Variants in GOLGA6L7 observed in about 807,000 individuals in gnomAD.
GOLGA6L7 encodes the protein golgin A6 family like 7, also known as golgin subfamily A member 6-like protein 7.
Under a neutral mutation model 68.9 loss-of-function variants are expected in GOLGA6L7, and 29 were observed. The ratio of observed to expected loss-of-function variants is 0.42; its 90% confidence interval spans 0.31 to 0.57. The LOEUF (loss-of-function observed/expected upper bound fraction) is 0.57, where lower values mean the gene tolerates loss of function less well. GOLGA6L7 is among the 20% of genes least tolerant of loss of function. GOLGA6L7 has a pLI of 0.13. For missense variants in GOLGA6L7, 396 were observed against 588.4 expected (o/e 0.67, Z 3.38); for synonymous variants, 133 against 197.4 (o/e 0.67, Z 2.73).
intron 7 of GOLGA6L7, 111 bp downstream of exon 7, chr15:28,844,094 A>G: frequency 3.5e-6 from 2 of 563,922 alleles, no homozygotes; most frequent in Non-Finnish European, 6.2e-6. Context: ...CCCTGCACAC[A>G]CATGTAAACC....
Position 28,841,901 on chromosome 15 carries a change from C to CA in GOLGA6L7, c.*333dup, listed in dbSNP as rs1008868941. 2.0e-4 allele frequency: 32 copies of CA among 159,810 alleles called. No individual in the cohort carries two copies. Among genetic ancestry groups the CA allele is most frequent in the Middle Eastern group, 2.7e-3 (1 of 376 alleles). The allele number at this position is 159,810 out of a possible 1,614,324, so 9.9% of individuals were successfully genotyped here. On this transcript the variant is annotated 3_prime_UTR_variant, in exon 9 of 9. Transcript: ENST00000567390. ...ACGCAAGACAAAAGGAGAAAACAAA[C>CA]AAAAAAAACAATAGAAACATACATA...
intron 2 of GOLGA6L7, chr15:28,846,780 T>G (rs367977628): frequency 2.9e-3 from 1,081 of 378,652 alleles, no homozygotes; most frequent in Non-Finnish European, 3.6e-3. Flanking sequence ...CAGCAGGCCC[T>G]GGACTAGGGA....
chr15:28,847,516 T>A (rs1462044266), intron 1 of GOLGA6L7, among the ~76,000 whole-genome samples: 1 of 152,134 alleles, frequency 6.6e-6, no homozygotes, highest in Non-Finnish European at 1.5e-5. Flanking sequence ...CAGTCGTACA[T>A]CCTCTTAGAG....
chr15:28,842,148 T>A lies in GOLGA6L7; in HGVS notation c.*87A>T. The A allele has an allele frequency of 8.9e-7, 1 of 1,117,726 alleles. No homozygotes were observed. Among genetic ancestry groups the A allele is most frequent in the Non-Finnish European group, 1.1e-6 (1 of 885,746 alleles). The allele number at this position is 1,117,726 out of a possible 1,614,324, so 69.2% of individuals were successfully genotyped here. A position where few individuals can be genotyped will look rare whatever the true frequency, so the allele number is the denominator to read the frequency against. On this transcript the variant is annotated 3_prime_UTR_variant, in exon 9 of 9. Coordinates refer to ENST00000567390, the MANE Select transcript of GOLGA6L7 (RefSeq NM_001365371.2). ...GTATTTTGCCACAATTTAAAATAAA[T>A]TTTCTTTTTTTCAAGTTTGTTCTCA...
chr15:28,847,945 G>A (rs1189422292), intron 1 of GOLGA6L7, among the ~76,000 whole-genome samples: 1 of 152,208 alleles, frequency 6.6e-6, no homozygotes, highest in East Asian at 1.9e-4. Flanking sequence ...GTAGAAGCCT[G>A]GGAGAAAACC....
At position 28,843,239 on chromosome 15, in the gene GOLGA6L7, C is replaced by T. The variant is rs2030281737; in HGVS notation, c.865G>A (p.Glu289Lys). ...QEQEEQMRKQ[E>K]EQMRKQEEQM... ...TCCTCCTGCTTCCGCATCTGCTCCT[C>T]CTGCTTCCGCATCTGCTCCTCCTGC... is the stretch of plus-strand genomic sequence containing the variant. Residue 289 changes from glutamate (E) to lysine (K), a missense_variant, in exon 9 of 9, where the codon GAG (glutamate) becomes AAG (lysine). Physicochemically the swap from Glu to Lys is moderately conservative, Grantham distance 56. This residue lies in a region of GOLGA6L7 where 114 missense variants were observed against 186.0 expected (regional missense o/e 0.61). Transcript: ENST00000567390. 7.8e-7 allele frequency: 1 copy of T among 1,286,350 alleles called. No homozygotes were observed. The highest frequency in any genetic ancestry group is 9.9e-7 in the Non-Finnish European group (1 of 1,006,504). The allele number at this position is 1,286,350 out of a possible 1,614,324, so 79.7% of individuals were successfully genotyped here.
Position 28,842,273 on chromosome 15 carries a change from C to G in GOLGA6L7, c.1831G>C (p.Gly611Arg), listed in dbSNP as rs1166644750. 7.3e-6 allele frequency: 9 copies of G among 1,228,746 alleles called. No individual in the cohort carries two copies. Among genetic ancestry groups the G allele is most frequent in the Non-Finnish European group, 8.1e-6 (8 of 984,206 alleles). 76.1% of individuals were successfully genotyped at this position (1,228,746 alleles called of 1,614,324 possible). The change falls in exon 9 of 9, where the codon GGA becomes CGA. Residue 611 changes from glycine to arginine, a missense_variant. Around this residue, in one of 5 missense-constraint regions of GOLGA6L7, gnomAD observed 125 missense variants for 163.3 expected, o/e 0.77. Transcript: ENST00000567390. ...GSTSCIPFFY[G>R]GDKKKIKIIS... Reference sequence around the variant, plus strand: ...ATCTTGATCTTTTTCTTGTCTCCTCCGTAGAAGAATGGGATGCAGGAGGTG... The same window carrying G: ...ATCTTGATCTTTTTCTTGTCTCCTCGGTAGAAGAATGGGATGCAGGAGGTG...
intron 2 of GOLGA6L7, among the ~76,000 whole-genome samples, chr15:28,846,535 C>T (rs1405669598): frequency 1.6e-4 from 25 of 152,208 alleles, no homozygotes; most frequent in African/African-American, 6.0e-4. Flanking sequence ...CACCCTTCTG[C>T]CAGCTTGTGA....
In GOLGA6L7 at chr15:28,841,970, A is replaced by G. The variant is rs2030200973; in HGVS notation, c.*265T>C. 6 of 260,856 alleles carry G rather than the reference A, an allele frequency of 2.3e-5. No homozygotes were observed. The East Asian group carries it at 4.1e-4, about 18-fold the overall frequency. 16.2% of individuals were successfully genotyped at this position (260,856 alleles called of 1,614,324 possible). Reference sequence around the variant, plus strand: ...TAGAATTTTTTTTTTTTTTTTTGAAATGGGAGTTTCACTCTGTCACCCAGC... The same window carrying G: ...TAGAATTTTTTTTTTTTTTTTTGAAGTGGGAGTTTCACTCTGTCACCCAGC... On this transcript the variant is annotated 3_prime_UTR_variant, in exon 9 of 9. Transcript: ENST00000567390.
intron 6 of GOLGA6L7, among the ~76,000 whole-genome samples, 172 bp from the exon 7 acceptor site, chr15:28,844,435 T>C (rs1221626672): frequency 1.2e-4 from 18 of 148,652 alleles, no homozygotes; most frequent in Non-Finnish European, 2.1e-4. Context: ...CTTTTCTTTT[T>C]TTTTTTTTTT....
Position 28,842,853 on chromosome 15 carries a change from C to T in GOLGA6L7, c.1251G>A (p.Lys417=). 1 of 1,251,460 alleles carries T rather than the reference C, an allele frequency of 8.0e-7. No homozygotes were observed. The highest frequency in any genetic ancestry group is 9.9e-7 in the Non-Finnish European group (1 of 1,007,004). 77.5% of individuals were successfully genotyped at this position (1,251,460 alleles called of 1,614,324 possible). A position where few individuals can be genotyped will look rare whatever the true frequency, so the allele number is the denominator to read the frequency against. The change falls in exon 9 of 9, where the codon AAG becomes AAA. Residue 417 remains lysine (K), a synonymous_variant. Coordinates refer to ENST00000567390, the MANE Select transcript of GOLGA6L7 (RefSeq NM_001365371.2). ...QEEQMGEQMR[K]QEEQMGEQEE... Reference sequence around the variant, plus strand: ...CCTGCTCCCCCATCTGCTCCTCCTGCTTCCTCATCTGCTCCCCCATCTGCT... The same window carrying T: ...CCTGCTCCCCCATCTGCTCCTCCTGTTTCCTCATCTGCTCCCCCATCTGCT...
rs777493070 is a variant in GOLGA6L7 at position 28,845,782 on chromosome 15, C to T, written c.291G>A (p.Met97Ile). Residue 97 changes from methionine (M) to isoleucine (I), a missense_variant, in exon 5 of 9, where the codon ATG becomes ATA. By Grantham distance (10) the Met-to-Ile change is conservative. Around this residue, in one of 5 missense-constraint regions of GOLGA6L7, gnomAD observed 125 missense variants for 119.4 expected, o/e 1.05. Coordinates refer to ENST00000567390, the MANE Select transcript of GOLGA6L7 (RefSeq NM_001365371.2). ...CTGTCTCCAGTTCAGTTTTCTGACA[C>T]ATAAGGATTCGTATGGTATGATCCT... is the stretch of plus-strand genomic sequence containing the variant. ...EAQDHTIRIL[M>I]CQKTELETAL... 8 of 826,262 alleles carry T rather than the reference C, an allele frequency of 9.7e-6. No homozygotes were observed. The highest frequency in any genetic ancestry group is 1.7e-5 in the Non-Finnish European group (8 of 480,122). The allele number at this position is 826,262 out of a possible 1,614,324, so 51.2% of individuals were successfully genotyped here.
Position 28,844,188 on chromosome 15 carries a change from C to A in GOLGA6L7, c.521+17G>T, listed in dbSNP as rs911462468. 6.1e-6 allele frequency: 3 copies of A among 495,566 alleles called. No individual in the cohort carries two copies. The highest frequency in any genetic ancestry group is 2.0e-5 in the African/African-American group (1 of 49,388). The allele number at this position is 495,566 out of a possible 1,614,324, so 30.7% of individuals were successfully genotyped here. On this transcript the variant is annotated intron_variant, in intron 7 of 8. Coordinates refer to ENST00000567390, the MANE Select transcript of GOLGA6L7 (RefSeq NM_001365371.2). ...TAAGGGCTCTCAGACCTCCCATCCC[C>A]CCCTCCCCTATCCTACATGTTCCTG...
intron 2 of GOLGA6L7, 84 bp from the exon 3 acceptor site, chr15:28,846,333 G>A: frequency 1.4e-5 from 10 of 728,124 alleles, no homozygotes; most frequent in Non-Finnish European, 2.5e-5. Context: ...CAGGGGTCAG[G>A]AATGGATTTT....
chr15:28,847,496 G>T (rs1327172106), intron 1 of GOLGA6L7, among the ~76,000 whole-genome samples: 1 of 152,076 alleles, frequency 6.6e-6, no homozygotes, highest in East Asian at 1.9e-4. Context: ...GGTGTACACT[G>T]TGTGGTTTAC....
At position 28,848,611 on chromosome 15, in the gene GOLGA6L7, T is replaced by G. The variant is rs1262380353; in HGVS notation, c.-62A>C. 4.1e-6 allele frequency: 3 copies of G among 729,726 alleles called. No homozygotes were observed. In the African/African-American group the frequency reaches 5.1e-5, roughly 13 times the overall value. 45.2% of individuals were successfully genotyped at this position (729,726 alleles called of 1,614,324 possible). ...CGTGATCCAGGCGAGGACAGTGATA[T>G]GCCTCCAGTCACGTACCACACAGCT... is the stretch of plus-strand genomic sequence containing the variant. On this transcript the variant is annotated 5_prime_UTR_variant, in exon 1 of 9. Transcript: ENST00000567390.
rs2030276142 is a variant in GOLGA6L7, at chr15:28,843,175, T to C, written c.929A>G (p.Glu310Gly). 1 of 877,978 alleles carries C rather than the reference T, an allele frequency of 1.1e-6. No homozygotes were observed. Among genetic ancestry groups the C allele is most frequent in the Admixed American group, 3.7e-5 (1 of 27,276 alleles). 54.4% of individuals were successfully genotyped at this position (877,978 alleles called of 1,614,324 possible). The change falls in exon 9 of 9, where the codon GAG becomes GGG. Residue 310 changes from glutamate (E) to glycine (G), a missense_variant. Physicochemically the swap from Glu to Gly is moderately conservative, Grantham distance 98 (BLOSUM62 -2). Around this residue, in one of 5 missense-constraint regions of GOLGA6L7, gnomAD observed 114 missense variants for 186.0 expected, o/e 0.61. Transcript: ENST00000567390. ...RKQEEQMRKQ[E>G]EQMRKQEEQM... ...CTCCTCCTGCTTCCGCATCTGCTCC[T>C]CCTGCTTCCGCATCTGCTCCTCCTG...
chr15:28,847,270 T>C (rs2030474083), intron 1 of GOLGA6L7, 78 bp from the exon 2 acceptor site: 1 of 815,390 alleles, frequency 1.2e-6, no homozygotes. Flanking sequence ...CAAAATACTC[T>C]CATAGACGAT....
intron 1 of GOLGA6L7, 49 bp from the exon 2 acceptor site, chr15:28,847,241 A>G (rs1283438333): frequency 4.4e-6 from 5 of 1,132,044 alleles, no homozygotes; most frequent in Non-Finnish European, 5.0e-6. Context: ...AAGCTCCTAC[A>G]GTCACTTTAC....
Sources: allele counts gnomAD v4.1 joint callset (sites outside exome capture counted in the v4.1 genomes callset), GRCh38; gene constraint gnomAD v4.1.1; regional missense constraint gnomAD v4.1.1; transcripts MANE v1.5; gene names NCBI Gene and HGNC (gene_info 2026-07-23, HGNC 2026-07-21).